Variants in SMC3 observed in about 807,000 individuals in gnomAD.
The protein encoded by SMC3 is structural maintenance of chromosomes protein 3.
In SMC3, 20 loss-of-function variants were observed where a neutral mutation model predicts 171.8. That is an observed-to-expected ratio of 0.12 (90% CI 0.08 to 0.17). The LOEUF (loss-of-function observed/expected upper bound fraction) is 0.17. Ranked by LOEUF, SMC3 falls within the 10% of genes least tolerant of loss-of-function variation. The pLI is 1.00. For missense variants in SMC3, 543 were observed against 1,420.4 expected, an observed-to-expected ratio of 0.38 and a Z score of 9.93; for synonymous variants, 464 against 451.1, an observed-to-expected ratio of 1.03 and a Z score of -0.36.
intron 15 of SMC3, 50 bp from the exon 16 acceptor site, chr10:110,590,362 G>A (rs1223783700): frequency 1.4e-6 from 2 of 1,467,760 alleles, no homozygotes; most frequent in Admixed American, 3.4e-5. Flanking sequence ...CTTACCAGGA[G>A]TGCCATTGAT....
intron 28 of SMC3, among the ~76,000 whole-genome samples, 163 bp downstream of exon 28, chr10:110,603,453 G>A (rs1330452795): frequency 6.6e-6 from 1 of 151,954 alleles, no homozygotes; most frequent in Non-Finnish European, 1.5e-5. Flanking sequence ...ATGAAGTTTA[G>A]CAGTATTTTA....
At position 110,567,757 on chromosome 10, in the gene SMC3, C is replaced by G. The variant is rs990979155; in HGVS notation, c.-60C>G. 1.2e-6 allele frequency: 2 copies of G among 1,609,712 alleles called. No individual in the cohort carries two copies. Among genetic ancestry groups the G allele is most frequent in the East Asian group, 2.2e-5 (1 of 44,846 alleles). On this transcript the variant is annotated 5_prime_UTR_variant, in exon 1 of 29. Transcript: ENST00000361804. ...GGTCGCGTAGGCGCCTCACCTGACC[C>G]TGCGGCCGTGCGGTTGCTGCTCCGG...
chr10:110,603,335 A>T, intron 28 of SMC3, 45 bp downstream of exon 28: 1 of 1,197,858 alleles, frequency 8.3e-7, no homozygotes, highest in Non-Finnish European at 1.2e-6. Context: ...TTATTCAATT[A>T]TATTTGTTGA....
rs538812278 is a variant in SMC3, at chr10:110,589,115, C to T, written c.1306-490C>T. Among the ~76,000 whole-genome samples, 4 of 152,150 alleles carry T rather than the reference C, an allele frequency of 2.6e-5. No individual in the cohort carries two copies. The East Asian group carries it at 5.8e-4, about 22-fold the overall frequency. On this transcript the variant is annotated intron_variant, in intron 13 of 28. Coordinates refer to ENST00000361804, the MANE Select transcript of SMC3 (RefSeq NM_005445.4). ...TTTTAAAAACTGAAATGGGGCCGGG[C>T]GCAGTGTCTCACGCCTGTAATCTCA...
Position 110,567,731 on chromosome 10 carries a change from G to C in SMC3, c.-86G>C, listed in dbSNP as rs1362231275. On this transcript the variant is annotated 5_prime_UTR_variant, in exon 1 of 29. Transcript: ENST00000361804. ...GGGAGCGAGCGGCGCTTTGGGGGAGGGGTCGCGTAGGCGCCTCACCTGACC... is the reference window on the plus strand; with the variant it reads ...GGGAGCGAGCGGCGCTTTGGGGGAGCGGTCGCGTAGGCGCCTCACCTGACC... 1 of 1,522,538 alleles carries C rather than the reference G, an allele frequency of 6.6e-7. No individual in the cohort carries two copies. Among genetic ancestry groups the C allele is most frequent in the Non-Finnish European group, 9.1e-7 (1 of 1,101,232 alleles). 94.3% of individuals were successfully genotyped at this position (1,522,538 alleles called of 1,614,324 possible).
At chr10:110,587,131 C>T (rs1027680009) in intron 13 of SMC3, among the ~76,000 whole-genome samples, 1 of 151,104 alleles carries the variant, frequency 6.6e-6, no homozygotes, top group South Asian at 2.1e-4. Flanking sequence ...TTAGACTTTT[C>T]TAACTTATGT....
At chr10:110,575,302 T>C in intron 3 of SMC3, 34 bp from the exon 4 acceptor site, 1 of 1,540,096 alleles carries the variant, frequency 6.5e-7, no homozygotes, top group Non-Finnish European at 9.0e-7. Context: ...AACACTTTTT[T>C]AGGGTATACT....
rs201318099 is a variant in SMC3, at chr10:110,603,206, A to T, written c.3498A>T (p.Val1166=). The T allele has an allele frequency of 1.9e-6, 3 of 1,607,424 alleles. No individual in the cohort carries two copies. Among genetic ancestry groups the T allele is most frequent in the Non-Finnish European group, 2.6e-6 (3 of 1,175,732 alleles). The change falls in exon 28 of 29, where the codon GTA becomes GTT. Residue 1166 remains valine, a synonymous_variant. Transcript: ENST00000361804. The stretch of plus-strand genomic sequence containing the variant: ...CAGATATGATTATGGAACTTGCTGT[A>T]CATGCTCAGTTTATTACAACTACTT... The part of the protein sequence containing the change: ...AVSDMIMELA[V]HAQFITTTFR...
chr10:110,573,361 G>T (rs963563127), intron 2 of SMC3, among the ~76,000 whole-genome samples: 2 of 152,038 alleles, frequency 1.3e-5, no homozygotes, highest in African/African-American at 4.8e-5. Context: ...TCTTTAAATT[G>T]TTAAACATAT....
Position 110,571,799 on chromosome 10 carries a change from T to TA in SMC3, c.92-1903dup, listed in dbSNP as rs371881983. ...AAATAAAAATGGGTTCATTTTTAAATAAAAATGGGTTCATTTTTAAATAAA... is the reference window on the plus strand; with the variant it reads ...AAATAAAAATGGGTTCATTTTTAAATAAAAAATGGGTTCATTTTTAAATAAA... On this transcript the variant is annotated intron_variant, in intron 2 of 28. Coordinates refer to ENST00000361804, the MANE Select transcript of SMC3 (RefSeq NM_005445.4). Among the ~76,000 whole-genome samples the TA allele has an allele frequency of 2.5e-4, 13 of 51,240 alleles. No individual in the cohort carries two copies. The South Asian group carries it at 5.1e-3, about 20-fold the overall frequency. 33.6% of individuals were successfully genotyped at this position (51,240 alleles called of 152,430 possible).
chr10:110,597,262 G>T (rs1173904041), intron 19 of SMC3, among the ~76,000 whole-genome samples: 3 of 150,950 alleles, frequency 2.0e-5, no homozygotes, highest in Non-Finnish European at 4.4e-5. Flanking sequence ...CCAAGTCGGA[G>T]TAGCCATAGT....
intron 12 of SMC3, 55 bp from the exon 13 acceptor site, chr10:110,584,128 A>G: frequency 6.4e-7 from 1 of 1,551,038 alleles, no homozygotes; most frequent in South Asian, 1.1e-5. Flanking sequence ...TATTGGTTGC[A>G]ATTAAACTTG....
At position 110,601,848 on chromosome 10, in the gene SMC3, A is replaced by G. The variant is rs567780563; in HGVS notation, c.2856A>G (p.Glu952=). The change falls in exon 24 of 29, where the codon GAA becomes GAG. Residue 952 remains glutamate (E), a synonymous_variant. Transcript: ENST00000361804. ...KIRELGSLPQ[E]AFEKYQTLSL... ...GAGAACTTGGATCACTTCCCCAGGA[A>G]GCATTTGAAAAGTACCAGACACTGA... 6.2e-7 allele frequency: 1 copy of G among 1,614,046 alleles called. No homozygotes were observed. The highest frequency in any genetic ancestry group is 2.2e-5 in the East Asian group (1 of 44,844).
At chr10:110,568,902 T>A in intron 1 of SMC3, 36 bp from the exon 2 acceptor site, 1 of 1,143,584 alleles carries the variant, frequency 8.7e-7, no homozygotes, top group Non-Finnish European at 1.3e-6. Flanking sequence ...ATTTTTTTTG[T>A]GGGGTGGGTT....
At chr10:110,595,234 C>T (rs1861280580) in intron 18 of SMC3, among the ~76,000 whole-genome samples, 1 of 151,728 alleles carries the variant, frequency 6.6e-6, no homozygotes, top group Admixed American at 6.6e-5. Context: ...CCTGCCTCAA[C>T]CTCCCAAAGT....
At chr10:110,601,536 C>T in intron 23 of SMC3, 101 bp from the exon 24 acceptor site, 2 of 1,304,628 alleles carry the variant, frequency 1.5e-6, no homozygotes, top group Admixed American at 4.0e-5. Context: ...AACACAAAAC[C>T]TAAAACCTAT....
At chr10:110,587,581 G>A (rs1182838492) in intron 13 of SMC3, among the ~76,000 whole-genome samples, 1 of 152,090 alleles carries the variant, frequency 6.6e-6, no homozygotes, top group Admixed American at 6.5e-5. Flanking sequence ...AGCTACTCGG[G>A]GGGCTGAGGC....
chr10:110,601,316 TTA>T (rs1246031918), intron 23 of SMC3, among the ~76,000 whole-genome samples, 186 bp downstream of exon 23: 2 of 152,238 alleles, frequency 1.3e-5, no homozygotes, highest in Non-Finnish European at 2.9e-5. Flanking sequence ...ACTGAAATGT[TTA>T]TGACAATTTT....
chr10:110,588,404 A>G (rs995454374), intron 13 of SMC3, among the ~76,000 whole-genome samples: 6 of 152,268 alleles, frequency 3.9e-5, no homozygotes, highest in Non-Finnish European at 8.8e-5. Context: ...ACTACTGAGG[A>G]TGAATAATTG....
Sources: gnomAD v4.1 joint callset for allele counts (sites outside exome capture counted in the v4.1 genomes callset) on GRCh38, gnomAD v4.1.1 for gene constraint, MANE v1.5 for transcripts, NCBI Gene and HGNC (gene_info 2026-07-23, HGNC 2026-07-21) for gene names.